The following UNC13B variants were observed in gnomAD, a reference collection of about 807,000 sequenced individuals.
UNC13B encodes the protein unc-13 homolog B.
UNC13B carries 144 observed loss-of-function variants against 211.0 expected under a neutral mutation model. That is an observed-to-expected ratio of 0.68 (90% CI 0.60 to 0.78). The LOEUF is 0.78. UNC13B is among the 30% of genes least tolerant of loss of function. The pLI is 0.00. For synonymous variants in UNC13B, 709 were observed against 725.8 expected (o/e 0.98, Z 0.37); for missense variants, 1,777 against 2,002.0 (o/e 0.89, Z 2.14).
Position 35,404,157 on chromosome 9 carries a change from T to C in UNC13B, c.*124T>C, listed in dbSNP as rs1175101934. 7.4e-7 allele frequency: 1 copy of C among 1,346,704 alleles called. No individual in the cohort carries two copies. Among genetic ancestry groups the C allele is most frequent in the African/African-American group, 1.5e-5 (1 of 67,974 alleles). The allele number at this position is 1,346,704 out of a possible 1,614,324, so 83.4% of individuals were successfully genotyped here. A position where few individuals can be genotyped will look rare whatever the true frequency, so the allele number is the denominator to read the frequency against. On this transcript the variant is annotated 3_prime_UTR_variant, in exon 40 of 40. Transcript: ENST00000635942. ...AGGCTGACCCCTTCAGTTAAAGATA[T>C]TTAAGGAAAAATTTGGGGTGGTGAT...
chr9:35,191,903 A>T (rs2131343678), intron 1 of UNC13B, among the ~76,000 whole-genome samples: 1 of 152,332 alleles, frequency 6.6e-6, no homozygotes, highest in Middle Eastern at 3.4e-3. Context: ...TTCTTTCCAC[A>T]GGACCATACA....
chr9:35,402,058 C>T (rs1183818464), intron 37 of UNC13B: 11 of 1,525,712 alleles, frequency 7.2e-6, no homozygotes, highest in Non-Finnish European at 9.8e-6. Flanking sequence ...AACACTGACC[C>T]CTGGGAGCTA....
At chr9:35,309,295 G>A (rs1353221884) in intron 9 of UNC13B, among the ~76,000 whole-genome samples, 1 of 151,634 alleles carries the variant, frequency 6.6e-6, no homozygotes, top group Non-Finnish European at 1.5e-5. Flanking sequence ...GTGTTTGTGT[G>A]TTGAACTACT....
At chr9:35,332,548 GTC>G (rs1831432289) in intron 11 of UNC13B, among the ~76,000 whole-genome samples, 4 of 152,166 alleles carry the variant, frequency 2.6e-5, no homozygotes, top group African/African-American at 7.2e-5. Flanking sequence ...TCTTTTACCA[GTC>G]TCTGTCTCTT....
rs564112188 is a variant in UNC13B, at chr9:35,315,639, C to T, written c.9414+1650C>T. On this transcript the variant is annotated intron_variant, in intron 11 of 39. Coordinates refer to ENST00000635942, the MANE Select transcript of UNC13B (RefSeq NM_001371189.2). ...ATAACCATTCAAATCTGCCAAACAA[C>T]AATAACAACACTATTATCAAGACCC... Among the ~76,000 whole-genome samples the T allele has an allele frequency of 3.9e-5, 6 of 152,326 alleles. No homozygotes were observed. The South Asian group carries it at 1.2e-3, about 32-fold the overall frequency.
At position 35,380,614 on chromosome 9, in the gene UNC13B, C is replaced by A; in HGVS notation, c.10350C>A (p.Gly3450=). The A allele has an allele frequency of 6.2e-7, 1 of 1,614,146 alleles. No homozygotes were observed. Among genetic ancestry groups the A allele is most frequent in the Non-Finnish European group, 8.5e-7 (1 of 1,180,034 alleles). The change falls in exon 18 of 40, where the codon GGC becomes GGA. Residue 3450 remains glycine (G), a synonymous_variant. Coordinates refer to ENST00000635942, the MANE Select transcript of UNC13B (RefSeq NM_001371189.2). Reference sequence around the variant, plus strand: ...TCATTGAGGTTCGGACCCTAAGTGGCGAGATGGACGTCTGGTACAACTTGG... The same window carrying A: ...TCATTGAGGTTCGGACCCTAAGTGGAGAGATGGACGTCTGGTACAACTTGG... ...QTIIEVRTLS[G]EMDVWYNLEK... is the part of the protein sequence containing the mutation.
chr9:35,307,364 C>G lies in UNC13B; in HGVS notation c.7960C>G (p.Gln2654Glu), dbSNP rs1033969279. 11 of 398,890 alleles carry G rather than the reference C, an allele frequency of 2.8e-5. No homozygotes were observed. The highest frequency in any genetic ancestry group is 2.3e-4 in the African/African-American group (11 of 48,606). 24.7% of individuals were successfully genotyped at this position (398,890 alleles called of 1,614,324 possible). Residue 2654 changes from glutamine (Q) to glutamate (E), a missense_variant, in exon 9 of 40, where the codon CAG (glutamine) becomes GAG (glutamate). Transcript: ENST00000635942. ...LEAENFALPAQLHPDPTCIAE... is the reference protein window; with the variant it reads ...LEAENFALPAELHPDPTCIAE... ...AGCAGAGAACTTTGCGCTGCCAGCA[C>G]AGTTGCATCCAGATCCTACCTGCAT...
At chr9:35,401,523 A>C (rs79775237) in intron 37 of UNC13B, among the ~76,000 whole-genome samples, 4,298 of 152,286 alleles carry the variant, frequency 0.028, 206 homozygotes, top group African/African-American at 0.097. Context: ...ATTGAGCTTT[A>C]AGCTTGATAA....
chr9:35,382,562 A>ATT (rs199694785), intron 21 of UNC13B, 55 bp downstream of exon 21: 7,933 of 1,316,560 alleles, frequency 6.0e-3, no homozygotes, highest in Admixed American at 9.6e-3. Flanking sequence ...ATAAAGTTTG[A>ATT]TTTTTTTTTT....
Position 35,403,224 on chromosome 9 carries a change from A to C in UNC13B, c.12542A>C (p.His4181Pro). 1 of 1,614,128 alleles carries C rather than the reference A, an allele frequency of 6.2e-7. No individual in the cohort carries two copies. The highest frequency in any genetic ancestry group is 8.5e-7 in the Non-Finnish European group (1 of 1,179,994). ...TCTATTCAGGTGGACTTGTTTACAC[A>C]CCCTGGTACTGGGGAGCACAAGGTC... is the stretch of plus-strand genomic sequence containing the variant. The part of the protein sequence containing the change: ...EVSIQVDLFT[H>P]PGTGEHKVTV... Residue 4181 changes from histidine (H) to proline (P), a missense_variant, in exon 38 of 40, where the codon CAC becomes CCC. His to Pro is a moderately conservative substitution (Grantham distance 77). Coordinates refer to ENST00000635942, the MANE Select transcript of UNC13B (RefSeq NM_001371189.2).
chr9:35,276,769 C>T (rs1184526820), intron 7 of UNC13B, among the ~76,000 whole-genome samples: 3 of 152,166 alleles, frequency 2.0e-5, no homozygotes, highest in Admixed American at 6.5e-5. Flanking sequence ...ATTCCCCCAA[C>T]ATTTTAATTT....
intron 25 of UNC13B, 96 bp from the exon 26 acceptor site, chr9:35,390,533 A>G: frequency 7.4e-7 from 1 of 1,355,124 alleles, no homozygotes; most frequent in East Asian, 2.3e-5. Context: ...CCTCTCTCCA[A>G]TATGACTTCC....
At chr9:35,371,881 C>A (rs1834149813) in intron 13 of UNC13B, 1 of 152,604 alleles carries the variant, frequency 6.6e-6, no homozygotes, top group African/African-American at 2.4e-5. Flanking sequence ...GTTTTCATGC[C>A]CTTTCGAGCC....
chr9:35,162,423 G>T, intron 1 of UNC13B, 118 bp downstream of exon 1: 3 of 1,319,446 alleles, frequency 2.3e-6, no homozygotes, highest in Non-Finnish European at 3.0e-6. Flanking sequence ...TGCTTTGGGG[G>T]TCTATTATTT....
intron 37 of UNC13B, among the ~76,000 whole-genome samples, chr9:35,402,321 G>C (rs1477875727): frequency 7.0e-6 from 1 of 142,438 alleles, no homozygotes; most frequent in Non-Finnish European, 1.5e-5. Context: ...TCGCTCTGTC[G>C]CCCAGGCTGG....
chr9:35,398,278 G>A lies in UNC13B; in HGVS notation c.11822G>A (p.Gly3941Glu). Residue 3941 changes from glycine to glutamate, a missense_variant, in exon 31 of 40, where the codon GGA (glycine) becomes GAA (glutamate). Physicochemically the swap from Gly to Glu is moderately conservative, Grantham distance 98. Coordinates refer to ENST00000635942, the MANE Select transcript of UNC13B (RefSeq NM_001371189.2). ...CTGGAGAAAATGTTTGAGGCCATGG[G>A]AGGCAAGGAGGTAGGTCTTAGGGTT... ...VQLEKMFEAM[G>E]GKELDLEAAD... 4 of 1,613,946 alleles carry A rather than the reference G, an allele frequency of 2.5e-6. No homozygotes were observed. The highest frequency in any genetic ancestry group is 3.4e-6 in the Non-Finnish European group (4 of 1,179,898).
At chr9:35,361,129 G>A (rs1444320944) in intron 11 of UNC13B, 1 of 152,168 alleles carries the variant, frequency 6.6e-6, no homozygotes, top group Admixed American at 6.5e-5. Flanking sequence ...AGTTAAGATT[G>A]TATTATTGGG....
chr9:35,213,648 G>C (rs1824094151), intron 1 of UNC13B, among the ~76,000 whole-genome samples: 1 of 152,106 alleles, frequency 6.6e-6, no homozygotes, highest in South Asian at 2.1e-4. Flanking sequence ...GATTCTCAAA[G>C]GGTCATATGC....
In UNC13B at chr9:35,342,201, T is replaced by C. The variant is rs376930736; in HGVS notation, c.9415-24746T>C. 6.5e-4 allele frequency: 642 copies of C among 985,724 alleles called. 7 individuals are homozygous for C. In the South Asian group the frequency reaches 0.018, roughly 28 times the overall value. 61.1% of individuals were successfully genotyped at this position (985,724 alleles called of 1,614,324 possible). On this transcript the variant is annotated intron_variant, in intron 11 of 39. Transcript: ENST00000635942. ...GTGGTGCTTTGGCTCAGAAAGTTCG[T>C]CCTGTGGCTTCTCTGTCAAACCAAG... is the stretch of plus-strand genomic sequence containing the variant.
Sources: allele counts gnomAD v4.1 joint callset (sites outside exome capture counted in the v4.1 genomes callset), GRCh38; gene constraint gnomAD v4.1.1; transcripts MANE v1.5; gene names NCBI Gene and HGNC (gene_info 2026-07-23, HGNC 2026-07-21).